The following OR13A1 variants were observed in gnomAD, a reference collection of about 807,000 sequenced individuals.
OR13A1 encodes the protein olfactory receptor 13A1.
A neutral mutation model predicts 7.5 loss-of-function variants in OR13A1; 10 were observed. The observed-to-expected ratio is 1.34, with a 90% CI of 0.83 to 2.27. The LOEUF is 2.27. OR13A1 is among the 30% of genes most tolerant of loss of function. The pLI is 0.00. For missense variants in OR13A1, 509 were observed against 419.1 expected (o/e 1.21, Z -1.87); for synonymous variants, 238 against 177.9 (o/e 1.34, Z -2.69).
chr10:45,307,207 C>T (rs559137730), intron 3 of OR13A1, among the ~76,000 whole-genome samples: 5 of 152,340 alleles, frequency 3.3e-5, no homozygotes, highest in African/African-American at 1.2e-4. Flanking sequence ...TGAACACCTA[C>T]CAAGCAGCAG....
Position 45,303,556 on chromosome 10 carries a change from G to A in OR13A1, c.867C>T (p.Ser289=). Residue 289 remains serine (S), a synonymous_variant, in exon 4 of 4, where the codon AGC becomes AGT. Coordinates refer to ENST00000553795, the MANE Select transcript of OR13A1 (RefSeq NM_001004297.3). ...SPVSGYSAGK[S]KLAGLLYTVL... is the part of the protein sequence containing the mutation. ...CAGTGTACAGCAGGCCAGCCAACTT[G>A]CTCTTCCCTGCGCTGTAGCCAGAGA... 4 of 1,614,126 alleles carry A rather than the reference G, an allele frequency of 2.5e-6. No individual in the cohort carries two copies. In the South Asian group the frequency reaches 4.4e-5, roughly 18 times the overall value.
chr10:45,303,688 C>T lies in OR13A1; in HGVS notation c.735G>A (p.Lys245=), dbSNP rs769197271. The change falls in exon 4 of 4, where the codon AAG becomes AAA. Residue 245 remains lysine, a synonymous_variant. Transcript: ENST00000553795. ...TCTGCCTCCCCCAGGCAGTCTTCAC[C>T]TTCAGGATGCTGGAGACGATGAAGC... ...SYGFIVSSIL[K]VKTAWGRQKA... is the part of the protein sequence containing the mutation. 3 of 1,614,218 alleles carry T rather than the reference C, an allele frequency of 1.9e-6. No individual in the cohort carries two copies. Among genetic ancestry groups the T allele is most frequent in the East Asian group, 2.2e-5 (1 of 44,880 alleles).
intron 3 of OR13A1, 140 bp from the exon 4 acceptor site, chr10:45,304,574 C>T (rs904207155): frequency 1.3e-5 from 9 of 672,278 alleles, no homozygotes; most frequent in Middle Eastern, 4.2e-4. Flanking sequence ...AGAAAAAAGG[C>T]GTGAACACTC....
intron 1 of OR13A1, among the ~76,000 whole-genome samples, chr10:45,308,202 T>A (rs1838375295): frequency 6.6e-6 from 1 of 152,238 alleles, no homozygotes; most frequent in Non-Finnish European, 1.5e-5. Flanking sequence ...GAATCGCATA[T>A]GTTCAGGGTC....
In OR13A1 at chr10:45,312,170, GAGA is replaced by G. The variant is rs574986217; in HGVS notation, c.-225+3351_-225+3353del. 7.6e-4 allele frequency among the ~76,000 whole-genome samples: 116 copies of G among 151,894 alleles called. No homozygotes were observed. The South Asian group carries it at 0.011, about 15-fold the overall frequency. Reference sequence around the variant, plus strand: ...GACCCCATAAGGGCATGAGAAATGGGAGAAGAACAGAAAAAAATTTGAATGAAT... The same window carrying G: ...GACCCCATAAGGGCATGAGAAATGGGAGAACAGAAAAAAATTTGAATGAAT... On this transcript the variant is annotated intron_variant, in intron 1 of 3. Coordinates refer to ENST00000553795, the MANE Select transcript of OR13A1 (RefSeq NM_001004297.3).
chr10:45,311,377 C>A (rs966713022), intron 1 of OR13A1, among the ~76,000 whole-genome samples: 1 of 152,156 alleles, frequency 6.6e-6, no homozygotes, highest in Non-Finnish European at 1.5e-5. Flanking sequence ...ACATCTTTAA[C>A]TTCAGTCTTG....
intron 1 of OR13A1, among the ~76,000 whole-genome samples, chr10:45,309,115 G>A (rs1425752129): frequency 2.0e-5 from 3 of 151,922 alleles, no homozygotes; most frequent in Admixed American, 2.0e-4. Flanking sequence ...AGTGGGGGAG[G>A]AGGGACAGCA....
At chr10:45,302,574 A>T (rs997319014), downstream of OR13A1, 1 of 152,236 alleles carries the variant, frequency 6.6e-6, no homozygotes, top group African/African-American at 2.4e-5. Context: ...CAATTCCAAG[A>T]TACAACTAAA....
In OR13A1 at chr10:45,303,753, A is replaced by C; in HGVS notation, c.670T>G (p.Tyr224Asp). Residue 224 changes from tyrosine (Y) to aspartate (D), a missense_variant, in exon 4 of 4, where the codon TAC becomes GAC. Tyr to Asp is a radical substitution (Grantham distance 160). Transcript: ENST00000553795. ...GVMIVLADAF[Y>D]GIVNFLMTIA... ...GTCATCAGGAAGTTCACTATGCCGT[A>C]GAAAGCATCCGCCAGGACAATCATG... 1 of 1,614,182 alleles carries C rather than the reference A, an allele frequency of 6.2e-7. No individual in the cohort carries two copies. Among genetic ancestry groups the C allele is most frequent in the Non-Finnish European group, 8.5e-7 (1 of 1,180,036 alleles).
At chr10:45,312,054 C>A (rs994789659) in intron 1 of OR13A1, among the ~76,000 whole-genome samples, 10 of 151,924 alleles carry the variant, frequency 6.6e-5, no homozygotes, top group African/African-American at 2.2e-4. Flanking sequence ...TATAATAAAC[C>A]TGCCCAAATG....
At chr10:45,304,517 G>T in intron 3 of OR13A1, 83 bp from the exon 4 acceptor site, 2 of 1,160,732 alleles carry the variant, frequency 1.7e-6, no homozygotes, top group Non-Finnish European at 2.5e-6. Context: ...GAAAGATAGA[G>T]ATGCATTAGG....
chr10:45,313,870 C>A lies in OR13A1; in HGVS notation c.-225+1654G>T, dbSNP rs376344164. 4.6e-5 allele frequency among the ~76,000 whole-genome samples: 7 copies of A among 152,092 alleles called. 1 individual carries two copies. The highest frequency in any genetic ancestry group is 1.7e-4 in the African/African-American group (7 of 41,512). On this transcript the variant is annotated intron_variant, in intron 1 of 3. Transcript: ENST00000553795. Reference sequence around the variant, plus strand: ...TGGCTAGAACAACAAGACAGAAAATCGATAAGGAAATACAGTACTTGAACA... The same window carrying A: ...TGGCTAGAACAACAAGACAGAAAATAGATAAGGAAATACAGTACTTGAACA...
intron 3 of OR13A1, among the ~76,000 whole-genome samples, chr10:45,304,654 A>G (rs1014082855): frequency 1.3e-5 from 2 of 152,226 alleles, no homozygotes; most frequent in Non-Finnish European, 2.9e-5. Context: ...AACAAATGCA[A>G]ATTAAATCCA....
intron 1 of OR13A1, among the ~76,000 whole-genome samples, chr10:45,309,739 A>G (rs1016909646): frequency 6.6e-6 from 1 of 152,130 alleles, no homozygotes; most frequent in Non-Finnish European, 1.5e-5. Flanking sequence ...TTTCTTCCAT[A>G]TTAGTTAGCA....
At position 45,304,301 on chromosome 10, in the gene OR13A1, T is replaced by C. The variant is rs757635205; in HGVS notation, c.122A>G (p.Tyr41Cys). ...ILQGFSEHPEYRVFLFSCFLF... is the reference protein window; with the variant it reads ...ILQGFSEHPECRVFLFSCFLF... Reference sequence around the variant, plus strand: ...GAAACAGCTGAATAAGAACACCCGGTATTCTGGGTGCTCCGAAAAGCCCTG... The same window carrying C: ...GAAACAGCTGAATAAGAACACCCGGCATTCTGGGTGCTCCGAAAAGCCCTG... Residue 41 changes from tyrosine (Y) to cysteine (C), a missense_variant, in exon 4 of 4, where the codon TAC becomes TGC. Coordinates refer to ENST00000553795, the MANE Select transcript of OR13A1 (RefSeq NM_001004297.3). 5 of 1,613,916 alleles carry C rather than the reference T, an allele frequency of 3.1e-6. No individual in the cohort carries two copies. In the African/African-American group the frequency reaches 5.3e-5, roughly 17 times the overall value.
chr10:45,308,444 C>A (rs1230164424), intron 1 of OR13A1, among the ~76,000 whole-genome samples: 1 of 152,136 alleles, frequency 6.6e-6, no homozygotes, highest in Non-Finnish European at 1.5e-5. Context: ...GAAAAATCAA[C>A]CAATAATTTA....
intron 1 of OR13A1, among the ~76,000 whole-genome samples, chr10:45,312,024 A>G (rs918776719): frequency 6.6e-6 from 1 of 152,160 alleles, no homozygotes; most frequent in Non-Finnish European, 1.5e-5. Context: ...TTGCAAAAAA[A>G]TTAGCAAATT....
chr10:45,310,159 T>C (rs1315355816), intron 1 of OR13A1, among the ~76,000 whole-genome samples: 1 of 152,258 alleles, frequency 6.6e-6, no homozygotes. Context: ...CCTGTGATGT[T>C]AATAATATGC....
chr10:45,305,621 C>G (rs1275557909), intron 3 of OR13A1, among the ~76,000 whole-genome samples: 2 of 152,202 alleles, frequency 1.3e-5, no homozygotes, highest in Non-Finnish European at 2.9e-5. Flanking sequence ...TTCCTGGATC[C>G]ACCTCCTCTC....
Sources: allele counts gnomAD v4.1 joint callset (sites outside exome capture counted in the v4.1 genomes callset), GRCh38; gene constraint gnomAD v4.1.1; transcripts MANE v1.5; gene names NCBI Gene and HGNC (gene_info 2026-07-23, HGNC 2026-07-21).